KCMF1: variants seen among roughly 807,000 people sequenced by gnomAD.
The protein encoded by KCMF1 is E3 ubiquitin-protein ligase KCMF1.
Under a neutral mutation model 41.1 loss-of-function variants are expected in KCMF1, and 3 were observed. The observed-to-expected ratio is 0.07, with a 90% CI of 0.03 to 0.19. KCMF1 has a LOEUF of 0.19. Ranked by LOEUF, KCMF1 falls within the 10% of genes least tolerant of loss-of-function variation. The pLI is 1.00. For missense variants in KCMF1, 286 were observed against 488.9 expected, an observed-to-expected ratio of 0.58 and a Z score of 3.91; for synonymous variants, 142 against 164.5, an observed-to-expected ratio of 0.86 and a Z score of 1.04.
intron 1 of KCMF1, among the ~76,000 whole-genome samples, chr2:84,977,039 C>G (rs1054226260): frequency 1.3e-5 from 2 of 151,450 alleles, no homozygotes; most frequent in Non-Finnish European, 2.9e-5. Flanking sequence ...TTTTTTTTTA[C>G]TCTCTGTTGC....
chr2:85,044,182 C>T (rs763118386), intron 4 of KCMF1, among the ~76,000 whole-genome samples: 50 of 152,200 alleles, frequency 3.3e-4, no homozygotes, highest in Non-Finnish European at 4.7e-4. Flanking sequence ...TATTTGCTTT[C>T]CCTCTCTGTT....
intron 1 of KCMF1, among the ~76,000 whole-genome samples, chr2:85,024,788 C>T (rs1381910326): frequency 2.0e-5 from 3 of 152,068 alleles, no homozygotes; most frequent in East Asian, 3.9e-4. Flanking sequence ...CTGTTTTCCC[C>T]ACATGCAGAT....
chr2:85,008,190 C>T (rs936029270), intron 1 of KCMF1, among the ~76,000 whole-genome samples: 3 of 133,408 alleles, frequency 2.2e-5, no homozygotes, highest in Non-Finnish European at 3.3e-5. Context: ...TGGATCAATA[C>T]GTAACCTTGT....
At chr2:85,020,152 C>T (rs1175730167) in intron 1 of KCMF1, among the ~76,000 whole-genome samples, 1 of 152,114 alleles carries the variant, frequency 6.6e-6, no homozygotes, top group Non-Finnish European at 1.5e-5. Context: ...TCACCATGCA[C>T]AGTTGCCTTA....
At chr2:84,983,209 TA>T (rs1301140967) in intron 1 of KCMF1, among the ~76,000 whole-genome samples, 3 of 152,326 alleles carry the variant, frequency 2.0e-5, no homozygotes, top group South Asian at 2.1e-4. Context: ...GCCACATTTT[TA>T]AAAAAGGAGG....
intron 3 of KCMF1, among the ~76,000 whole-genome samples, chr2:85,041,854 T>G (rs1293843259): frequency 6.6e-6 from 1 of 151,706 alleles, no homozygotes; most frequent in Non-Finnish European, 1.5e-5. Context: ...TCAAAGAGTT[T>G]ACAGTTTAGC....
chr2:84,974,687 ATATATTTTTTTTTTTT>A (rs1260359308), intron 1 of KCMF1, among the ~76,000 whole-genome samples: 14 of 35,440 alleles, frequency 4.0e-4, no homozygotes, highest in African/African-American at 1.2e-3. Context: ...ATATATATAT[ATATATTTTTTTTTTTT>A]TTTTTTTTTT....
intron 1 of KCMF1, among the ~76,000 whole-genome samples, chr2:84,999,364 G>C (rs1035482968): frequency 6.6e-6 from 1 of 152,024 alleles, no homozygotes; most frequent in African/African-American, 2.4e-5. Flanking sequence ...TGTTGGCCAG[G>C]CTGGTCTTGA....
intron 6 of KCMF1, among the ~76,000 whole-genome samples, chr2:85,052,100 G>A (rs528463609): frequency 1.3e-5 from 2 of 152,166 alleles, no homozygotes; most frequent in African/African-American, 2.4e-5. Context: ...ATAGAATTTC[G>A]CTCTTGTTGC....
chr2:85,040,068 G>A (rs947177630), intron 3 of KCMF1, among the ~76,000 whole-genome samples: 1 of 152,046 alleles, frequency 6.6e-6, no homozygotes, highest in Non-Finnish European at 1.5e-5. Context: ...CATCTGCCTT[G>A]GCCTCCCAAA....
intron 2 of KCMF1, among the ~76,000 whole-genome samples, chr2:85,032,776 A>C (rs916032097): frequency 6.6e-6 from 1 of 152,158 alleles, no homozygotes; most frequent in African/African-American, 2.4e-5. Flanking sequence ...TCTCCCTCCC[A>C]AAGTGCTAGG....
intron 2 of KCMF1, among the ~76,000 whole-genome samples, chr2:85,029,317 A>C (rs142291428): frequency 0.013 from 1,903 of 152,138 alleles, 30 homozygotes; most frequent in African/African-American, 0.043. Context: ...TATGGTGGCT[A>C]ACGCCTGTAA....
chr2:84,974,884 C>A (rs1236643307), intron 1 of KCMF1, among the ~76,000 whole-genome samples: 1 of 150,306 alleles, frequency 6.7e-6, no homozygotes, highest in Non-Finnish European at 1.5e-5. Context: ...TTTTGTATTT[C>A]GTTTAGTAGA....
chr2:84,997,094 T>C (rs1674194952), intron 1 of KCMF1, among the ~76,000 whole-genome samples: 1 of 152,228 alleles, frequency 6.6e-6, no homozygotes. Context: ...GCCGTGGCTA[T>C]GCAGTCTATT....
Position 85,059,427 on chromosome 2 carries a change from A to G in KCMF1, c.*6018A>G, listed in dbSNP as rs1676012209. The G allele has an allele frequency of 6.6e-6, 1 of 152,198 alleles. No homozygotes were observed. The highest frequency in any genetic ancestry group is 1.5e-5 in the Non-Finnish European group (1 of 68,034). The allele number at this position is 152,198 out of a possible 1,614,324, so 9.4% of individuals were successfully genotyped here. ...ACCTTTTATAACATCACCACCTGTC[A>G]TGAAGCTTATCTGTTTTCTGATTTG... On this transcript the variant is annotated 3_prime_UTR_variant, in exon 7 of 7. Coordinates refer to ENST00000409785, the MANE Select transcript of KCMF1 (RefSeq NM_020122.5).
chr2:85,008,438 A>G (rs1674568800), intron 1 of KCMF1, among the ~76,000 whole-genome samples: 1 of 119,156 alleles, frequency 8.4e-6, no homozygotes, highest in African/African-American at 3.1e-5. Context: ...TATGATATAT[A>G]CATCATATAT....
At chr2:85,014,676 A>G (rs557157718) in intron 1 of KCMF1, among the ~76,000 whole-genome samples, 1 of 150,228 alleles carries the variant, frequency 6.7e-6, no homozygotes, top group African/African-American at 2.5e-5. Context: ...ACTAAACTGA[A>G]TTGCACATGT....
chr2:85,032,934 A>G (rs1675311482), intron 2 of KCMF1, among the ~76,000 whole-genome samples: 1 of 152,166 alleles, frequency 6.6e-6, no homozygotes. Flanking sequence ...CTCTGGATAG[A>G]TCCTCCAGTA....
chr2:85,031,400 G>A (rs1675263346), intron 2 of KCMF1, among the ~76,000 whole-genome samples: 1 of 152,144 alleles, frequency 6.6e-6, no homozygotes, highest in Admixed American at 6.6e-5. Context: ...TGATGGTTCA[G>A]CTTATGCTTT....
Sources: gnomAD v4.1 joint callset for allele counts (sites outside exome capture counted in the v4.1 genomes callset) on GRCh38, gnomAD v4.1.1 for gene constraint, MANE v1.5 for transcripts, NCBI Gene and HGNC (gene_info 2026-07-23, HGNC 2026-07-21) for gene names.